The following SNTG1 variants were observed in gnomAD, a reference collection of about 807,000 sequenced individuals.
SNTG1 encodes the protein gamma-1-syntrophin.
SNTG1 carries 39 observed loss-of-function variants against 74.7 expected under a neutral mutation model. The ratio of observed to expected loss-of-function variants is 0.52; its 90% CI spans 0.40 to 0.68. The LOEUF (loss-of-function observed/expected upper bound fraction) is 0.68, where lower values mean the gene tolerates loss of function less well. Among genes scored for constraint, SNTG1 ranks in the 30% least tolerant of loss-of-function variants. The probability of loss-of-function intolerance (pLI) is 0.00; values close to 1 mark genes in which losing one functional copy is unlikely to be tolerated. For synonymous variants in SNTG1, 254 were observed against 217.1 expected (o/e 1.17, Z -1.49); for missense variants, 685 against 609.5 (o/e 1.12, Z -1.30).
chr8:50,080,421 T>G (rs917323411), intron 1 of SNTG1, among the ~76,000 whole-genome samples: 1 of 152,204 alleles, frequency 6.6e-6, no homozygotes, highest in Non-Finnish European at 1.5e-5. Flanking sequence ...ACTGATGATA[T>G]ATGCCCCATT....
At chr8:50,368,524 TG>T (rs910688394) in intron 2 of SNTG1, among the ~76,000 whole-genome samples, 1 of 152,082 alleles carries the variant, frequency 6.6e-6, no homozygotes, top group African/African-American at 2.4e-5. Context: ...AAAGAGATAA[TG>T]GGGGTGACCC....
intron 5 of SNTG1, among the ~76,000 whole-genome samples, chr8:50,447,155 T>C (rs2093415170): frequency 6.6e-6 from 1 of 152,204 alleles, no homozygotes; most frequent in African/African-American, 2.4e-5. Context: ...AATGGGATTA[T>C]TGAGTCAACC....
At chr8:50,397,504 T>C (rs1444212989) in intron 3 of SNTG1, among the ~76,000 whole-genome samples, 1 of 152,186 alleles carries the variant, frequency 6.6e-6, no homozygotes, top group Non-Finnish European at 1.5e-5. Flanking sequence ...ATCAAACTTC[T>C]TCCTCTATCA....
chr8:50,640,083 A>C (rs1372198501), intron 13 of SNTG1, among the ~76,000 whole-genome samples: 1 of 152,212 alleles, frequency 6.6e-6, no homozygotes, highest in Non-Finnish European at 1.5e-5. Context: ...ATTGCAAAAG[A>C]AAACTTAATT....
chr8:50,110,277 A>G (rs887497058), intron 1 of SNTG1, among the ~76,000 whole-genome samples: 1 of 152,052 alleles, frequency 6.6e-6, no homozygotes, highest in Admixed American at 6.6e-5. Context: ...CATATCTAGC[A>G]TGGATGCTTT....
intron 13 of SNTG1, among the ~76,000 whole-genome samples, chr8:50,610,826 A>G (rs570945266): frequency 3.3e-5 from 5 of 152,134 alleles, no homozygotes. Context: ...GAAAGACAAC[A>G]CTTCTCAATT....
At position 50,402,312 on chromosome 8, in the gene SNTG1, A is replaced by T. The variant is rs1406057500; in HGVS notation, c.130A>T (p.Ile44Leu). 6.2e-7 allele frequency: 1 copy of T among 1,611,478 alleles called. No homozygotes were observed. The highest frequency in any genetic ancestry group is 1.3e-5 in the African/African-American group (1 of 74,766). ...DILMIQEQDV[I>L]CVSGEPFYSG... ...TTTGATGATCCAGGAACAGGATGTG[A>T]TATGTGTGTCTGGTGAGCCTTTCTA... Residue 44 changes from isoleucine to leucine, a missense_variant, in exon 4 of 19, where the codon ATA becomes TTA. Ile to Leu is a conservative substitution (Grantham distance 5, BLOSUM62 2). Transcript: ENST00000642720.
At chr8:50,220,415 G>A (rs962728410) in intron 2 of SNTG1, among the ~76,000 whole-genome samples, 1 of 152,064 alleles carries the variant, frequency 6.6e-6, no homozygotes, top group African/African-American at 2.4e-5. Flanking sequence ...AGTTGTGGAA[G>A]ACAGTACAAA....
chr8:49,989,162 G>A (rs952271896), intron 1 of SNTG1, among the ~76,000 whole-genome samples: 1 of 151,882 alleles, frequency 6.6e-6, no homozygotes, highest in Admixed American at 6.6e-5. Context: ...GAAACCAAAA[G>A]TTGGTTCTCT....
chr8:50,202,700 A>G (rs559922270), intron 2 of SNTG1, among the ~76,000 whole-genome samples: 4 of 152,080 alleles, frequency 2.6e-5, no homozygotes, highest in Non-Finnish European at 5.9e-5. Flanking sequence ...TTTAATTTGT[A>G]AGGAGAGTTA....
chr8:50,045,790 A>T (rs1013160969), intron 1 of SNTG1, among the ~76,000 whole-genome samples: 1 of 152,208 alleles, frequency 6.6e-6, no homozygotes, highest in Non-Finnish European at 1.5e-5. Context: ...TGTTAGGATA[A>T]AAGAGACACA....
In SNTG1 at chr8:50,569,255, C is replaced by T. The variant is rs1176791442; in HGVS notation, c.810+16076C>T. Among the ~76,000 whole-genome samples the T allele has an allele frequency of 2.0e-5, 3 of 152,088 alleles. No homozygotes were observed. In the South Asian group the frequency reaches 6.2e-4, roughly 32 times the overall value. ...AGATGTATTAATTCTAAAGAAAAAG[C>T]ACGGATAGCCAGTCCCTCTGTGGGA... On this transcript the variant is annotated intron_variant, in intron 12 of 18. Transcript: ENST00000642720.
chr8:50,116,786 T>C (rs1159060310), intron 1 of SNTG1, among the ~76,000 whole-genome samples: 1 of 152,154 alleles, frequency 6.6e-6, no homozygotes, highest in Non-Finnish European at 1.5e-5. Flanking sequence ...TATTTGCCTG[T>C]TGATGCAGAA....
At chr8:49,971,530 G>T (rs953764479) in intron 1 of SNTG1, among the ~76,000 whole-genome samples, 2 of 152,142 alleles carry the variant, frequency 1.3e-5, no homozygotes, top group African/African-American at 4.8e-5. Context: ...ATAGGCAGAA[G>T]AAGGAAATAA....
chr8:50,520,515 T>G, intron 9 of SNTG1, among the ~76,000 whole-genome samples: 1 of 151,642 alleles, frequency 6.6e-6, no homozygotes, highest in Non-Finnish European at 1.5e-5. Flanking sequence ...ACCTACAGAA[T>G]GGGAGAAAAA....
chr8:50,756,629 G>T (rs1003305861), intron 18 of SNTG1, among the ~76,000 whole-genome samples: 1 of 151,546 alleles, frequency 6.6e-6, no homozygotes, highest in African/African-American at 2.4e-5. Flanking sequence ...TGATCTATTT[G>T]TCTGTTTCTT....
chr8:50,777,351 C>A (rs982476185), intron 18 of SNTG1, among the ~76,000 whole-genome samples: 2 of 149,982 alleles, frequency 1.3e-5, no homozygotes, highest in Admixed American at 6.7e-5. Flanking sequence ...TCTCACAATT[C>A]TTTTATCCAG....
chr8:49,913,046 G>A (rs1388864445), intron 1 of SNTG1, among the ~76,000 whole-genome samples: 1 of 152,190 alleles, frequency 6.6e-6, no homozygotes, highest in Non-Finnish European at 1.5e-5. Flanking sequence ...TTCCCCTGGA[G>A]CTTTAAAATT....
intron 1 of SNTG1, among the ~76,000 whole-genome samples, chr8:49,958,311 TTTG>T (rs1376012899): frequency 6.6e-6 from 1 of 152,174 alleles, no homozygotes; most frequent in African/African-American, 2.4e-5. Context: ...TGATGTCCAT[TTTG>T]ACAAAATAGG....
Sources: gnomAD v4.1 joint callset for allele counts (sites outside exome capture counted in the v4.1 genomes callset) on GRCh38, gnomAD v4.1.1 for gene constraint, MANE v1.5 for transcripts, NCBI Gene and HGNC (gene_info 2026-07-23, HGNC 2026-07-21) for gene names.